Variants in LHFPL3 observed in about 807,000 individuals in gnomAD.
LHFPL3 encodes LHFPL tetraspan subfamily member 3.
In LHFPL3, 5 loss-of-function variants were observed where a neutral mutation model predicts 19.3. The observed-to-expected ratio is 0.26, with a 90% CI of 0.14 to 0.54. LHFPL3 has a LOEUF of 0.54. LHFPL3 is among the 20% of genes least tolerant of loss of function. The probability of loss-of-function intolerance (pLI) is 0.94; values close to 1 mark genes in which losing one functional copy is unlikely to be tolerated. For missense variants in LHFPL3, 249 were observed against 307.4 expected (o/e 0.81, Z 1.42); for synonymous variants, 133 against 126.2 (o/e 1.05, Z -0.36).
chr7:104,597,749 T>G (rs1562946041), intron 1 of LHFPL3, among the ~76,000 whole-genome samples: 1 of 152,210 alleles, frequency 6.6e-6, no homozygotes, highest in Non-Finnish European at 1.5e-5. Flanking sequence ...CTGCTAACAT[T>G]ACTCCCTTTG....
At chr7:104,768,585 A>G (rs1358534086) in intron 2 of LHFPL3, 1 of 152,198 alleles carries the variant, frequency 6.6e-6, no homozygotes, top group Non-Finnish European at 1.5e-5. Flanking sequence ...AATCCCTGCT[A>G]GATAGCCAGC....
At chr7:104,495,838 G>A (rs1028080903) in intron 1 of LHFPL3, among the ~76,000 whole-genome samples, 2 of 152,030 alleles carry the variant, frequency 1.3e-5, no homozygotes, top group African/African-American at 4.8e-5. Context: ...CTTTATTAAA[G>A]CATTTCACTT....
At chr7:104,495,176 C>G (rs1793436800) in intron 1 of LHFPL3, among the ~76,000 whole-genome samples, 1 of 152,132 alleles carries the variant, frequency 6.6e-6, no homozygotes, top group South Asian at 2.1e-4. Context: ...CCCCACTAGC[C>G]AAACAGTCAC....
At chr7:104,527,173 G>A (rs1187954592) in intron 1 of LHFPL3, among the ~76,000 whole-genome samples, 1 of 152,190 alleles carries the variant, frequency 6.6e-6, no homozygotes, top group Non-Finnish European at 1.5e-5. Flanking sequence ...CAGTGATAAA[G>A]TTGGAGAGTT....
In LHFPL3 at chr7:104,870,596, C is replaced by T. The variant is rs191004419; in HGVS notation, c.683-35591C>T. ...CACGAAGCTTTCAGCCAGGTGGAGACAACAGATTGGAAAACTTTCCCACCC... is the reference window on the plus strand; with the variant it reads ...CACGAAGCTTTCAGCCAGGTGGAGATAACAGATTGGAAAACTTTCCCACCC... On this transcript the variant is annotated intron_variant, in intron 2 of 2. Coordinates refer to ENST00000424859, the MANE Select transcript of LHFPL3 (RefSeq NM_199000.3). 1.0e-3 allele frequency among the ~76,000 whole-genome samples: 153 copies of T among 152,298 alleles called. 4 individuals carry two copies. The South Asian group carries it at 0.031, about 31-fold the overall frequency.
At chr7:104,468,733 ACTGCAAC>A (rs1463243674) in intron 1 of LHFPL3, among the ~76,000 whole-genome samples, 1 of 145,772 alleles carries the variant, frequency 6.9e-6, no homozygotes, top group Non-Finnish European at 1.5e-5. Flanking sequence ...ATCTCGGCTC[ACTGCAAC>A]CTCCACCTCG....
chr7:104,358,624 C>A (rs1377230035), intron 1 of LHFPL3, among the ~76,000 whole-genome samples: 1 of 152,154 alleles, frequency 6.6e-6, no homozygotes, highest in African/African-American at 2.4e-5. Context: ...GACAATACAG[C>A]ATTGGGTGAC....
chr7:104,369,023 G>A (rs1011670703), intron 1 of LHFPL3, among the ~76,000 whole-genome samples: 3 of 152,188 alleles, frequency 2.0e-5, no homozygotes, highest in South Asian at 2.1e-4. Context: ...GGGTCTCTCC[G>A]GGAGACGTAA....
intron 1 of LHFPL3, among the ~76,000 whole-genome samples, chr7:104,439,766 T>A (rs4730015): frequency 6.6e-6 from 1 of 151,854 alleles, no homozygotes; most frequent in African/African-American, 2.4e-5. Flanking sequence ...TGAACGCTTT[T>A]CTCCTCAGAT....
At chr7:104,819,833 T>A (rs1790644365) in intron 2 of LHFPL3, among the ~76,000 whole-genome samples, 1 of 152,186 alleles carries the variant, frequency 6.6e-6, no homozygotes, top group African/African-American at 2.4e-5. Flanking sequence ...GGACAATTTA[T>A]CAAGGCTTCA....
rs1791276014 is a variant in LHFPL3, at chr7:104,399,847, A to G, written c.445+70623A>G. 1.3e-5 allele frequency among the ~76,000 whole-genome samples: 2 copies of G among 151,604 alleles called. No individual in the cohort carries two copies. Among genetic ancestry groups the G allele is most frequent in the South Asian group, 2.1e-4 (1 of 4,798 alleles). ...AAGAGTCATGTTGAGAGGGTTGGCT[A>G]AAGACTCTGTAAGATCAGGGAGCCG... On this transcript the variant is annotated intron_variant, in intron 1 of 2. Coordinates refer to ENST00000424859, the MANE Select transcript of LHFPL3 (RefSeq NM_199000.3). The surrounding 1 kb of genome is among the most constrained non-coding windows in gnomAD (Gnocchi z 4.4).
intron 1 of LHFPL3, among the ~76,000 whole-genome samples, chr7:104,708,509 A>G (rs1048509292): frequency 6.6e-6 from 1 of 152,220 alleles, no homozygotes; most frequent in African/African-American, 2.4e-5. Context: ...ACTTAAAAAA[A>G]TCCCTTTTGT....
At chr7:104,689,283 G>A (rs992102882) in intron 1 of LHFPL3, among the ~76,000 whole-genome samples, 1 of 152,170 alleles carries the variant, frequency 6.6e-6, no homozygotes, top group African/African-American at 2.4e-5. Context: ...CAAGGTGGGT[G>A]TAGTTACCAC....
At chr7:104,430,719 C>T (rs1433718170) in intron 1 of LHFPL3, among the ~76,000 whole-genome samples, 3 of 151,438 alleles carry the variant, frequency 2.0e-5, no homozygotes, top group Non-Finnish European at 4.4e-5. Flanking sequence ...CCGCCCACCT[C>T]GGCCTCCCAA....
intron 2 of LHFPL3, chr7:104,803,465 T>G (rs2116483010): frequency 6.6e-6 from 1 of 152,352 alleles, no homozygotes; most frequent in African/African-American, 2.4e-5. Flanking sequence ...ATACTTGAAT[T>G]AAACTCCTAA....
chr7:104,475,685 C>T (rs1404172207), intron 1 of LHFPL3, among the ~76,000 whole-genome samples: 5 of 152,124 alleles, frequency 3.3e-5, no homozygotes. Flanking sequence ...TGATGATTTA[C>T]AGTTCACAAA....
At chr7:104,874,948 G>A (rs912324851) in intron 2 of LHFPL3, among the ~76,000 whole-genome samples, 1 of 151,490 alleles carries the variant, frequency 6.6e-6, no homozygotes, top group African/African-American at 2.4e-5. Flanking sequence ...CCAGGCTCAA[G>A]TGATCCTCCT....
At chr7:104,680,961 C>T (rs1341872645) in intron 1 of LHFPL3, among the ~76,000 whole-genome samples, 1 of 152,016 alleles carries the variant, frequency 6.6e-6, no homozygotes, top group South Asian at 2.1e-4. Context: ...ATCCATCAAA[C>T]CTAAAACAGC....
chr7:104,843,384 T>C (rs755412276), intron 2 of LHFPL3, among the ~76,000 whole-genome samples: 10 of 152,234 alleles, frequency 6.6e-5, no homozygotes, highest in Non-Finnish European at 1.3e-4. Flanking sequence ...ATTGCTGCCC[T>C]CTGTGTTTCA....
Sources: allele counts gnomAD v4.1 joint callset (sites outside exome capture counted in the v4.1 genomes callset), GRCh38; gene constraint gnomAD v4.1.1; non-coding constraint Gnocchi (gnomAD v3.1); transcripts MANE v1.5; gene names NCBI Gene and HGNC (gene_info 2026-07-23, HGNC 2026-07-21).